Variants in RAI2 observed in about 807,000 individuals in gnomAD.
RAI2 encodes the protein retinoic acid induced 2, also known as retinoic acid-induced protein 2.
RAI2 carries 5 observed loss-of-function variants against 15.3 expected under a neutral mutation model. That is an observed-to-expected ratio of 0.33 (90% CI 0.17 to 0.69). The LOEUF (loss-of-function observed/expected upper bound fraction) is 0.69, where lower values mean the gene tolerates loss of function less well. Ranked by LOEUF, RAI2 falls within the 30% of genes least tolerant of loss-of-function variation. The probability of loss-of-function intolerance (pLI) is 0.69; values close to 1 mark genes in which losing one functional copy is unlikely to be tolerated. For synonymous variants in RAI2, 191 were observed against 184.0 expected (o/e 1.04, Z -0.31); for missense variants, 424 against 424.7 (o/e 1.00, Z 0.01).
intron 1 of RAI2, among the ~76,000 whole-genome samples, chrX:17,846,005 G>A (rs1013060541): frequency 1.8e-5 from 2 of 111,900 alleles, no homozygotes; most frequent in Non-Finnish European, 3.8e-5. Context: ...GCATAGGGCG[G>A]TCTAGTTTCC....
chrX:17,857,611 G>C (rs1435484333), intron 1 of RAI2, among the ~76,000 whole-genome samples: 1 of 110,628 alleles, frequency 9.0e-6, no homozygotes, highest in African/African-American at 3.3e-5. Flanking sequence ...TGTCAGCATG[G>C]AGCTACCAAG....
intron 1 of RAI2, among the ~76,000 whole-genome samples, chrX:17,823,919 A>G (rs1172418795): frequency 9.0e-6 from 1 of 111,566 alleles, no homozygotes; most frequent in Non-Finnish European, 1.9e-5. Context: ...GCCAGTCTTC[A>G]GGAGGCCCAG....
intron 1 of RAI2, among the ~76,000 whole-genome samples, chrX:17,857,748 A>G (rs1239598834): frequency 9.0e-6 from 1 of 111,635 alleles, no homozygotes; most frequent in Non-Finnish European, 1.9e-5. Flanking sequence ...CATTCACTCC[A>G]TCAGTGCCAT....
rs777455914 is a variant in RAI2 at position 17,825,103 on chromosome X, A to G, written c.-24-23069T>C. On this transcript the variant is annotated intron_variant, in intron 1 of 1. Transcript: ENST00000451717. ...TCATTCCCTGGGCAAGACCACTTAT[A>G]AGAAATTTGGTCCAGAAAAAATATT... Among the ~76,000 whole-genome samples, 3 of 112,783 alleles carry G rather than the reference A, an allele frequency of 2.7e-5. No homozygotes were observed. In the East Asian group the frequency reaches 8.4e-4, roughly 32 times the overall value.
chrX:17,817,457 C>G (rs1281910977), intron 1 of RAI2, among the ~76,000 whole-genome samples: 1 of 112,745 alleles, frequency 8.9e-6, no homozygotes, highest in Non-Finnish European at 1.9e-5. Flanking sequence ...CAGGACCATT[C>G]TTTGCTCTGT....
At chrX:17,834,756 G>A (rs1042302206) in intron 1 of RAI2, among the ~76,000 whole-genome samples, 8 of 111,262 alleles carry the variant, frequency 7.2e-5, no homozygotes, top group African/African-American at 2.6e-4. Context: ...GGAGAAGGCA[G>A]GGTAAGAGAA....
At chrX:17,825,201 C>T (rs943767695) in intron 1 of RAI2, among the ~76,000 whole-genome samples, 32 of 112,718 alleles carry the variant, frequency 2.8e-4, no homozygotes, top group Middle Eastern at 4.2e-3. Context: ...AAAAATGGCC[C>T]GGTTCCAAAA....
intron 1 of RAI2, among the ~76,000 whole-genome samples, chrX:17,821,568 A>AAG (rs377257611): frequency 2.5e-3 from 264 of 106,853 alleles, no homozygotes; most frequent in Middle Eastern, 9.4e-3. Context: ...GTGTGTGTGT[A>AAG]AGAGAGAGAG....
At chrX:17,807,912 C>A (rs2066999938) in intron 1 of RAI2, among the ~76,000 whole-genome samples, 1 of 111,938 alleles carries the variant, frequency 8.9e-6, no homozygotes, top group Admixed American at 9.5e-5. Flanking sequence ...TGTAAAATAT[C>A]AACAGCTTTG....
chrX:17,813,635 T>C (rs1324068292), intron 1 of RAI2, among the ~76,000 whole-genome samples: 1 of 111,462 alleles, frequency 9.0e-6, no homozygotes, highest in Admixed American at 9.5e-5. Flanking sequence ...AGGACATGAA[T>C]GTGAGTCAAT....
intron 1 of RAI2, among the ~76,000 whole-genome samples, chrX:17,840,533 C>T (rs5955909): frequency 0.02 from 2,261 of 111,621 alleles, 61 homozygotes; most frequent in African/African-American, 0.068. Context: ...ACCCAAGGAG[C>T]ATGACTTAGT....
intron 1 of RAI2, among the ~76,000 whole-genome samples, chrX:17,841,898 C>T (rs1048607970): frequency 8.9e-6 from 1 of 112,714 alleles, no homozygotes; most frequent in African/African-American, 3.2e-5. Flanking sequence ...CATCAGAAAT[C>T]TTCCTATGGC....
At chrX:17,813,063 T>C (rs2067066688) in intron 1 of RAI2, among the ~76,000 whole-genome samples, 1 of 108,554 alleles carries the variant, frequency 9.2e-6, no homozygotes, top group Non-Finnish European at 1.9e-5. Context: ...AAATAAAATA[T>C]AGCATTGTTT....
At chrX:17,808,620 C>T (rs1157542954) in intron 1 of RAI2, among the ~76,000 whole-genome samples, 2 of 110,660 alleles carry the variant, frequency 1.8e-5, no homozygotes, top group Non-Finnish European at 3.8e-5. Context: ...ACACACCAAA[C>T]TCCCTCCTCT....
chrX:17,824,693 G>A (rs1383457864), intron 1 of RAI2, among the ~76,000 whole-genome samples: 3 of 112,197 alleles, frequency 2.7e-5, no homozygotes. Flanking sequence ...ATGAACAAAG[G>A]TGTCAGCAAT....
Position 17,800,885 on chromosome X carries a change from C to T in RAI2, c.1126G>A (p.Glu376Lys). The T allele has an allele frequency of 4.1e-6, 5 of 1,211,513 alleles. No homozygotes were observed. The highest frequency in any genetic ancestry group is 5.6e-6 in the Non-Finnish European group (5 of 895,424). Reference sequence around the variant, plus strand: ...ATTTCCATGCCACTGGGAAGTTTCTCCATCACTGTGTGACCTGAGCTGTCC... The same window carrying T: ...ATTTCCATGCCACTGGGAAGTTTCTTCATCACTGTGTGACCTGAGCTGTCC... ...SVDSSGHTVM[E>K]KLPSGMEISF... Residue 376 changes from glutamate to lysine, a missense_variant, in exon 2 of 2, where the codon GAG (glutamate) becomes AAG (lysine). By Grantham distance (56) the Glu-to-Lys change is moderately conservative. Transcript: ENST00000451717.
intron 1 of RAI2, among the ~76,000 whole-genome samples, chrX:17,810,436 G>T (rs1396077504): frequency 8.9e-6 from 1 of 112,816 alleles, no homozygotes; most frequent in East Asian, 2.8e-4. Flanking sequence ...ATATCCAAAA[G>T]ATAAGTCATT....
In RAI2 at chrX:17,835,037, C is replaced by T. The variant is rs1398463123; in HGVS notation, c.-25+26061G>A. ...TACTTTTCACTGGCACCTGTAATCT[C>T]GGGGACCTCCCCAACATGTGTTCAT... is the stretch of plus-strand genomic sequence containing the variant. On this transcript the variant is annotated intron_variant, in intron 1 of 1. Coordinates refer to ENST00000451717, the MANE Select transcript of RAI2 (RefSeq NM_021785.6). 4.5e-5 allele frequency among the ~76,000 whole-genome samples: 5 copies of T among 111,255 alleles called. No individual in the cohort carries two copies. In the Admixed American group the frequency reaches 4.8e-4, roughly 11 times the overall value.
chrX:17,814,080 A>C lies in RAI2; in HGVS notation c.-24-12046T>G, dbSNP rs546498691. On this transcript the variant is annotated intron_variant, in intron 1 of 1. Coordinates refer to ENST00000451717, the MANE Select transcript of RAI2 (RefSeq NM_021785.6). ...AACTGAAAGTAATTTATTTGGGAGA[A>C]GATCCCAGACAACACCAGTAGAGGA... is the stretch of plus-strand genomic sequence containing the variant. 6.9e-4 allele frequency among the ~76,000 whole-genome samples: 77 copies of C among 110,974 alleles called. 1 individual carries two copies. The South Asian group carries it at 0.03, about 43-fold the overall frequency.
Sources: allele counts gnomAD v4.1 joint callset (sites outside exome capture counted in the v4.1 genomes callset), GRCh38; gene constraint gnomAD v4.1.1; transcripts MANE v1.5; gene names NCBI Gene and HGNC (gene_info 2026-07-23, HGNC 2026-07-21).